Variants in ANKS1A observed in about 807,000 individuals in gnomAD.
ANKS1A encodes the protein ankyrin repeat and SAM domain-containing protein 1A.
A neutral mutation model predicts 120.3 loss-of-function variants in ANKS1A; 55 were observed. The observed-to-expected ratio is 0.46, with a 90% CI of 0.37 to 0.57. The LOEUF is 0.57. ANKS1A is among the 20% of genes least tolerant of loss of function. ANKS1A has a pLI of 0.00. For missense variants in ANKS1A, 1,123 were observed against 1,480.3 expected (o/e 0.76, Z 3.96); for synonymous variants, 590 against 604.7 (o/e 0.98, Z 0.36).
chr6:35,008,241 G>A (rs1411003250), intron 10 of ANKS1A, among the ~76,000 whole-genome samples: 2 of 152,036 alleles, frequency 1.3e-5, no homozygotes, highest in Admixed American at 6.6e-5. Flanking sequence ...AATAGACGGG[G>A]TCTCGCTCCA....
At position 35,083,136 on chromosome 6, in the gene ANKS1A, C is replaced by G; in HGVS notation, c.2836-19C>G. The stretch of plus-strand genomic sequence containing the variant: ...GAAACGCAGGATTTCCTAAGCCTGG[C>G]CACTGCTCGCCCCCACAGTATCTGG... On this transcript the variant is annotated intron_variant, in intron 18 of 23. Coordinates refer to ENST00000360359, the MANE Select transcript of ANKS1A (RefSeq NM_015245.3). 2 of 1,613,090 alleles carry G rather than the reference C, an allele frequency of 1.2e-6. No individual in the cohort carries two copies. The highest frequency in any genetic ancestry group is 1.7e-4 in the Middle Eastern group (1 of 6,058).
At chr6:34,940,988 TA>T (rs1008336496) in intron 1 of ANKS1A, among the ~76,000 whole-genome samples, 4 of 151,860 alleles carry the variant, frequency 2.6e-5, no homozygotes, top group Admixed American at 1.3e-4. Flanking sequence ...TTTCTACCTC[TA>T]AAAAAAATTT....
intron 13 of ANKS1A, among the ~76,000 whole-genome samples, chr6:35,070,484 C>CTTTTTTTTTTT (rs869249276): frequency 1.6e-5 from 1 of 62,970 alleles, no homozygotes; most frequent in African/African-American, 6.1e-5. Context: ...AAGCCTTTAT[C>CTTTTTTTTTTT]TTTTTTTTTT....
At chr6:34,968,582 C>T (rs534712304) in intron 2 of ANKS1A, among the ~76,000 whole-genome samples, 47 of 152,146 alleles carry the variant, frequency 3.1e-4, no homozygotes, top group African/African-American at 1.1e-3. Flanking sequence ...GGATTACAGG[C>T]GCCCGCCACC....
At chr6:35,073,776 A>AC (rs1223365514) in intron 13 of ANKS1A, among the ~76,000 whole-genome samples, 3 of 152,118 alleles carry the variant, frequency 2.0e-5, no homozygotes, top group African/African-American at 7.2e-5. Context: ...TTCCCCCATG[A>AC]CCCTCCTTGT....
intron 1 of ANKS1A, among the ~76,000 whole-genome samples, chr6:34,957,079 T>G (rs1770409182): frequency 6.6e-6 from 1 of 152,220 alleles, no homozygotes; most frequent in South Asian, 2.1e-4. Flanking sequence ...CTCTACTAAC[T>G]TACCTACTTT....
Position 35,087,045 on chromosome 6 carries a change from A to C in ANKS1A, c.3397A>C (p.Thr1133Pro). 1.9e-6 allele frequency: 3 copies of C among 1,614,074 alleles called. No homozygotes were observed. The highest frequency in any genetic ancestry group is 2.5e-6 in the Non-Finnish European group (3 of 1,179,948). Residue 1133 changes from threonine (T) to proline (P), a missense_variant, in exon 23 of 24, where the codon ACC becomes CCC. Thr to Pro is a conservative substitution (Grantham distance 38). Around this residue, in one of 3 missense-constraint regions of ANKS1A, gnomAD observed 904 missense variants for 1,130.4 expected, o/e 0.80. Coordinates refer to ENST00000360359, the MANE Select transcript of ANKS1A (RefSeq NM_015245.3). ...PKPDSKRSLS[T>P]N ...ACCAGACTCTAAGCGGAGCCTCAGC[A>C]CCAAGTATGAGACCACTATCTTCTA...
At chr6:34,964,155 T>C (rs1190379535) in intron 1 of ANKS1A, among the ~76,000 whole-genome samples, 1 of 152,224 alleles carries the variant, frequency 6.6e-6, no homozygotes, top group Non-Finnish European at 1.5e-5. Context: ...CTAAACCTAA[T>C]ATCTACATGC....
intron 1 of ANKS1A, among the ~76,000 whole-genome samples, chr6:34,904,378 G>A (rs1767529106): frequency 2.0e-5 from 3 of 151,364 alleles, no homozygotes; most frequent in Admixed American, 2.0e-4. Flanking sequence ...CATCAATATC[G>A]AGGGCTAACT....
chr6:35,061,116 C>T (rs1776473338), intron 13 of ANKS1A, among the ~76,000 whole-genome samples: 2 of 152,236 alleles, frequency 1.3e-5, no homozygotes, highest in South Asian at 4.1e-4. Context: ...ATCTTCCCAG[C>T]AGCCCTGGGA....
At chr6:35,038,694 C>G (rs1305295229) in intron 11 of ANKS1A, among the ~76,000 whole-genome samples, 1 of 152,086 alleles carries the variant, frequency 6.6e-6, no homozygotes, top group Non-Finnish European at 1.5e-5. Flanking sequence ...CTGTATTGCC[C>G]AGGCTGGTCT....
chr6:35,081,126 G>A lies in ANKS1A; in HGVS notation c.2677G>A (p.Ala893Thr). The change falls in exon 17 of 24, where the codon GCA (alanine) becomes ACA (threonine). Residue 893 changes from alanine to threonine, a missense_variant. Ala to Thr is a moderately conservative substitution (Grantham distance 58). This residue lies in a region of ANKS1A where 904 missense variants were observed against 1,130.4 expected (regional missense o/e 0.80). Transcript: ENST00000360359. ...RRHDSLHDPA[A>T]PSRAERFRIQ... ...CCATGACAGTCTCCATGACCCTGCG[G>A]CACCCTCCCGAGCGGAGCGCTTCAG... The A allele has an allele frequency of 6.2e-7, 1 of 1,612,826 alleles. No individual in the cohort carries two copies. The highest frequency in any genetic ancestry group is 8.5e-7 in the Non-Finnish European group (1 of 1,179,778).
chr6:34,990,297 T>C (rs1452588121), intron 9 of ANKS1A, among the ~76,000 whole-genome samples: 1 of 152,182 alleles, frequency 6.6e-6, no homozygotes, highest in Non-Finnish European at 1.5e-5. Flanking sequence ...ATTTCTATGC[T>C]AGGTACAAAT....
At chr6:34,912,053 G>T (rs1234955849) in intron 1 of ANKS1A, among the ~76,000 whole-genome samples, 1 of 152,196 alleles carries the variant, frequency 6.6e-6, no homozygotes, top group Admixed American at 6.5e-5. Flanking sequence ...AAGTAAACAA[G>T]CATGCTACAA....
At chr6:35,092,608 G>A (rs139231257), downstream of ANKS1A, among the ~76,000 whole-genome samples, 435 of 152,282 alleles carry the variant, frequency 2.9e-3, 2 homozygotes, top group African/African-American at 9.7e-3. Flanking sequence ...TGGCTATGGC[G>A]CTCTTTCCTA....
chr6:35,041,091 A>G (rs1775433568), intron 11 of ANKS1A, among the ~76,000 whole-genome samples: 1 of 152,270 alleles, frequency 6.6e-6, no homozygotes, highest in Non-Finnish European at 1.5e-5. Context: ...TGGGGATGTT[A>G]TAAAGTTATG....
At chr6:34,984,942 G>C in intron 7 of ANKS1A, 140 bp from the exon 8 acceptor site, 1 of 703,214 alleles carries the variant, frequency 1.4e-6, no homozygotes, top group Non-Finnish European at 2.3e-6. Flanking sequence ...TCTTGTCCAT[G>C]GAACAAAGTA....
chr6:34,975,789 G>A (rs546008910), intron 3 of ANKS1A, among the ~76,000 whole-genome samples: 1 of 151,936 alleles, frequency 6.6e-6, no homozygotes, highest in South Asian at 2.1e-4. Context: ...AAACAGAGAG[G>A]TAAAGCTGTT....
intron 1 of ANKS1A, among the ~76,000 whole-genome samples, chr6:34,904,406 A>G (rs1483817499): frequency 1.3e-5 from 2 of 152,068 alleles, no homozygotes; most frequent in Admixed American, 6.6e-5. Flanking sequence ...GTAATAACCT[A>G]ATAACCACCA....
Sources: gnomAD v4.1 joint callset for allele counts (sites outside exome capture counted in the v4.1 genomes callset) on GRCh38, gnomAD v4.1.1 for gene constraint, gnomAD v4.1.1 regional missense constraint, MANE v1.5 for transcripts, NCBI Gene and HGNC (gene_info 2026-07-23, HGNC 2026-07-21) for gene names.